The following LDB2 variants were observed in gnomAD, a reference collection of about 807,000 sequenced individuals.
LDB2 encodes LIM domain-binding protein 2.
LDB2 carries 12 observed loss-of-function variants against 44.3 expected under a neutral mutation model. The observed-to-expected ratio is 0.27, with a 90% CI of 0.17 to 0.44. The LOEUF (loss-of-function observed/expected upper bound fraction) is 0.44, where lower values mean the gene tolerates loss of function less well. LDB2 is among the 20% of genes least tolerant of loss of function. The probability of loss-of-function intolerance (pLI) is 1.00; values close to 1 mark genes in which losing one functional copy is unlikely to be tolerated. For synonymous variants in LDB2, 164 were observed against 174.8 expected (o/e 0.94, Z 0.49); for missense variants, 344 against 473.5 (o/e 0.73, Z 2.54).
At chr4:16,782,539 A>G (rs1579617963) in intron 1 of LDB2, among the ~76,000 whole-genome samples, 1 of 151,910 alleles carries the variant, frequency 6.6e-6, no homozygotes, top group East Asian at 1.9e-4. Context: ...TTTAGTAGAG[A>G]CGGGGTTTCA....
intron 2 of LDB2, among the ~76,000 whole-genome samples, chr4:16,662,324 T>C (rs905224068): frequency 7.9e-5 from 12 of 152,062 alleles, no homozygotes; most frequent in African/African-American, 2.9e-4. Context: ...TGTTGAAAGA[T>C]GAAAATAAAC....
intron 2 of LDB2, 112 bp from the exon 3 acceptor site, chr4:16,595,987 C>G (rs1720795170): frequency 1.8e-6 from 2 of 1,109,484 alleles, no homozygotes; most frequent in Non-Finnish European, 2.5e-6. Context: ...TCTCAAGAAA[C>G]CATACCAGGA....
At chr4:16,673,363 T>C (rs1745420746) in intron 2 of LDB2, among the ~76,000 whole-genome samples, 1 of 152,182 alleles carries the variant, frequency 6.6e-6, no homozygotes, top group African/African-American at 2.4e-5. Flanking sequence ...AAATGAATAA[T>C]TATTAGAAGT....
chr4:16,833,231 G>T (rs926963158), intron 1 of LDB2, among the ~76,000 whole-genome samples: 1 of 152,244 alleles, frequency 6.6e-6, no homozygotes, highest in African/African-American at 2.4e-5. Context: ...TCATAAAAGG[G>T]AATATGTCTG....
At chr4:16,613,498 T>C (rs771893049) in intron 2 of LDB2, among the ~76,000 whole-genome samples, 10 of 152,324 alleles carry the variant, frequency 6.6e-5, no homozygotes, top group Non-Finnish European at 1.3e-4. Flanking sequence ...ATGCCTACTA[T>C]GCATTTATAT....
chr4:16,817,260 C>T (rs1044340193), intron 1 of LDB2, among the ~76,000 whole-genome samples: 2 of 152,220 alleles, frequency 1.3e-5, no homozygotes, highest in African/African-American at 4.8e-5. Context: ...TTCCTACTCT[C>T]TCCTGATAGA....
At chr4:16,838,813 G>C (rs1320533865) in intron 1 of LDB2, among the ~76,000 whole-genome samples, 1 of 152,164 alleles carries the variant, frequency 6.6e-6, no homozygotes, top group Non-Finnish European at 1.5e-5. Context: ...AAAGCAAAAA[G>C]CTTAGTTCCA....
rs555584092 is a variant in LDB2, at chr4:16,533,712, A to G, written c.616-21608T>C. ...TGGCTGAACAAATGGTTGCTTATGT[A>G]AAAGACCTGCCCTCCAGTAAAATTC... On this transcript the variant is annotated intron_variant, in intron 5 of 7. Coordinates refer to ENST00000304523, the MANE Select transcript of LDB2 (RefSeq NM_001290.5). The surrounding 1 kb of genome is among the most constrained non-coding windows in gnomAD (Gnocchi z 4.1). Among the ~76,000 whole-genome samples, 22 of 152,336 alleles carry G rather than the reference A, an allele frequency of 1.4e-4. No homozygotes were observed. Among genetic ancestry groups the G allele is most frequent in the Admixed American group, 1.4e-3 (22 of 15,302 alleles).
intron 5 of LDB2, among the ~76,000 whole-genome samples, chr4:16,576,327 G>GA (rs1369885317): frequency 6.6e-6 from 1 of 150,592 alleles, no homozygotes; most frequent in African/African-American, 2.4e-5. Context: ...AAACAAATTA[G>GA]AAAAACCTTG....
chr4:16,660,886 T>C (rs1294572674), intron 2 of LDB2, among the ~76,000 whole-genome samples: 2 of 152,182 alleles, frequency 1.3e-5, no homozygotes, highest in Non-Finnish European at 2.9e-5. Flanking sequence ...CCCAGTCTAA[T>C]TCAGCCTCAG....
intron 1 of LDB2, among the ~76,000 whole-genome samples, chr4:16,842,061 G>T (rs1166759662): frequency 6.6e-6 from 1 of 152,120 alleles, no homozygotes; most frequent in African/African-American, 2.4e-5. Flanking sequence ...CATGGCTTTG[G>T]TGAGCACATT....
At chr4:16,893,319 A>T (rs1387221673) in intron 1 of LDB2, among the ~76,000 whole-genome samples, 4 of 151,942 alleles carry the variant, frequency 2.6e-5, no homozygotes, top group Non-Finnish European at 5.9e-5. Context: ...AGGGGGGAGA[A>T]ACCTCCAAGT....
At chr4:16,513,311 G>A (rs1438254985) in intron 5 of LDB2, among the ~76,000 whole-genome samples, 1 of 152,062 alleles carries the variant, frequency 6.6e-6, no homozygotes, top group Non-Finnish European at 1.5e-5. Context: ...CTTCCTCCCA[G>A]ATGTGCACCT....
intron 2 of LDB2, among the ~76,000 whole-genome samples, chr4:16,605,988 AAGTAAAAC>A (rs1328256998): frequency 6.6e-6 from 1 of 152,214 alleles, no homozygotes; most frequent in Non-Finnish European, 1.5e-5. Context: ...TGCTAGGGTT[AAGTAAAAC>A]AGTTACCAGT....
intron 7 of LDB2, among the ~76,000 whole-genome samples, chr4:16,504,538 G>GATTT (rs1452756586): frequency 1.3e-5 from 2 of 152,294 alleles, no homozygotes; most frequent in African/African-American, 4.8e-5. Context: ...GTGCTTCCAA[G>GATTT]ATTTATTTAT....
At chr4:16,561,541 A>G (rs1423781615) in intron 5 of LDB2, among the ~76,000 whole-genome samples, 1 of 152,224 alleles carries the variant, frequency 6.6e-6, no homozygotes, top group Non-Finnish European at 1.5e-5. Flanking sequence ...AAGGAGAACT[A>G]CAAACCACTG....
At chr4:16,580,226 G>T (rs1425693730) in intron 5 of LDB2, among the ~76,000 whole-genome samples, 3 of 152,166 alleles carry the variant, frequency 2.0e-5, no homozygotes, top group African/African-American at 4.8e-5. Context: ...ATGGAATGAG[G>T]CTGGGAGGCA....
At chr4:16,660,952 A>G (rs1309964950) in intron 2 of LDB2, among the ~76,000 whole-genome samples, 1 of 152,238 alleles carries the variant, frequency 6.6e-6, no homozygotes, top group East Asian at 1.9e-4. Context: ...GCGGACTAAT[A>G]GGGAATACGT....
intron 1 of LDB2, among the ~76,000 whole-genome samples, chr4:16,863,656 CTTTTT>C (rs143950913): frequency 2.0e-4 from 18 of 91,956 alleles, no homozygotes; most frequent in Admixed American, 9.9e-4. Flanking sequence ...CTCACATTCT[CTTTTT>C]TTTTTTTTTT....
Sources: allele counts gnomAD v4.1 joint callset (sites outside exome capture counted in the v4.1 genomes callset), GRCh38; gene constraint gnomAD v4.1.1; non-coding constraint Gnocchi (gnomAD v3.1); transcripts MANE v1.5; gene names NCBI Gene and HGNC (gene_info 2026-07-23, HGNC 2026-07-21).